Variants in OPHN1 observed in about 807,000 individuals in gnomAD.
The protein encoded by OPHN1 is oligophrenin 1.
OPHN1 carries 11 observed loss-of-function variants against 60.7 expected under a neutral mutation model. The observed-to-expected ratio is 0.18, with a 90% CI of 0.11 to 0.30. OPHN1 has a LOEUF of 0.30. Ranked by LOEUF, OPHN1 falls within the 10% of genes least tolerant of loss-of-function variation. The probability of loss-of-function intolerance (pLI) is 1.00; values close to 1 mark genes in which losing one functional copy is unlikely to be tolerated. For missense variants in OPHN1, 449 were observed against 611.0 expected, an observed-to-expected ratio of 0.73 and a Z score of 2.80; for synonymous variants, 226 against 222.6, an observed-to-expected ratio of 1.02 and a Z score of -0.14.
At position 68,431,650 on chromosome X, in the gene OPHN1, A is replaced by T. The variant is rs192397195; in HGVS notation, c.154+1217T>A. Among the ~76,000 whole-genome samples the T allele has an allele frequency of 5.8e-3, 618 of 106,378 alleles. 3 individuals carry two copies. Among genetic ancestry groups the T allele is most frequent in the African/African-American group, 0.02 (595 of 29,268 alleles). 92.4% of individuals were successfully genotyped at this position (106,378 alleles called of 115,157 possible). ...ACCATGTTAGCCAGGCTGGTCTCGA[A>T]CTCCTGATCTCAGGTGATTCACCCG... is the stretch of plus-strand genomic sequence containing the variant. On this transcript the variant is annotated intron_variant, in intron 2 of 24. Coordinates refer to ENST00000355520, the MANE Select transcript of OPHN1 (RefSeq NM_002547.3).
At chrX:68,159,029 T>C (rs1314128756) in intron 15 of OPHN1, among the ~76,000 whole-genome samples, 2 of 111,547 alleles carry the variant, frequency 1.8e-5, no homozygotes, top group Non-Finnish European at 3.8e-5. Context: ...GATGCCATTC[T>C]GAGAGAAGGA....
chrX:68,122,311 C>G (rs2077153723), intron 15 of OPHN1, among the ~76,000 whole-genome samples: 2 of 111,674 alleles, frequency 1.8e-5, no homozygotes, highest in African/African-American at 6.5e-5. Flanking sequence ...CTCTCTAATG[C>G]AGATATGGAT....
chrX:68,398,995 G>A (rs868292562), intron 2 of OPHN1, among the ~76,000 whole-genome samples: 1 of 95,218 alleles, frequency 1.1e-5, no homozygotes, highest in African/African-American at 3.6e-5. Context: ...GTGTGTGTGT[G>A]TATAGTAATA....
chrX:68,433,104 A>C lies in OPHN1; in HGVS notation c.-5+64T>G. The C allele has an allele frequency of 3.0e-6, 3 of 995,611 alleles. No individual in the cohort carries two copies. The South Asian group carries it at 7.1e-5, about 24-fold the overall frequency. 82.0% of individuals were successfully genotyped at this position (995,611 alleles called of 1,213,427 possible). A position where few individuals can be genotyped will look rare whatever the true frequency, so the allele number is the denominator to read the frequency against. On this transcript the variant is annotated intron_variant, in intron 1 of 24. Coordinates refer to ENST00000355520, the MANE Select transcript of OPHN1 (RefSeq NM_002547.3). ...TGGCACAGTAGAGGAAGTAGAGGGG[A>C]CGGACTGAGCGCGCGACCCGCTTAA...
intron 20 of OPHN1, chrX:68,071,866 G>T: frequency 3.0e-6 from 1 of 327,961 alleles, no homozygotes. Context: ...ATATTTTAAA[G>T]GATGTGCTGT....
chrX:68,218,630 T>A (rs2077631657), intron 6 of OPHN1, among the ~76,000 whole-genome samples: 2 of 108,936 alleles, frequency 1.8e-5, no homozygotes, highest in Non-Finnish European at 3.8e-5. Context: ...ATATTCAACA[T>A]TCTTAAAGAA....
chrX:68,322,520 C>T (rs2078240456), intron 2 of OPHN1, among the ~76,000 whole-genome samples: 2 of 111,753 alleles, frequency 1.8e-5, no homozygotes, highest in South Asian at 7.4e-4. Context: ...GGCACGGTGG[C>T]TCATGCTTGT....
chrX:68,379,188 T>A (rs1371344171), intron 2 of OPHN1, among the ~76,000 whole-genome samples: 1 of 111,050 alleles, frequency 9.0e-6, no homozygotes, highest in African/African-American at 3.3e-5. Context: ...TTATTCTCTT[T>A]GAAGCAATTG....
intron 5 of OPHN1, among the ~76,000 whole-genome samples, chrX:68,270,349 T>A (rs1220262546): frequency 1.8e-5 from 2 of 110,563 alleles, no homozygotes; most frequent in African/African-American, 3.3e-5. Context: ...CAAATGTCCA[T>A]CAATGATAGA....
At position 68,130,762 on chromosome X, in the gene OPHN1, G is replaced by GA. The variant is rs933589741; in HGVS notation, c.1277-11431dup. On this transcript the variant is annotated intron_variant, in intron 15 of 24. Coordinates refer to ENST00000355520, the MANE Select transcript of OPHN1 (RefSeq NM_002547.3). ...AGACTTAACTATTAAATTGTAAGTAGAAAAAAAAAGAAATCTCAGCAAGAT... is the reference window on the plus strand; with the variant it reads ...AGACTTAACTATTAAATTGTAAGTAGAAAAAAAAAAGAAATCTCAGCAAGAT... 1.1e-4 allele frequency among the ~76,000 whole-genome samples: 12 copies of GA among 109,406 alleles called. No individual in the cohort carries two copies. The East Asian group carries it at 1.4e-3, about 13-fold the overall frequency.
At chrX:68,067,145 T>G (rs2076915987) in intron 20 of OPHN1, among the ~76,000 whole-genome samples, 1 of 111,682 alleles carries the variant, frequency 9.0e-6, no homozygotes. Context: ...GTGCTAGGAG[T>G]AAGACAGTAC....
intron 5 of OPHN1, among the ~76,000 whole-genome samples, chrX:68,243,502 C>T (rs2077791358): frequency 9.0e-6 from 1 of 111,440 alleles, no homozygotes; most frequent in Non-Finnish European, 1.9e-5. Context: ...ATTCTCTTGC[C>T]TCAGCCTCCT....
At chrX:68,409,813 T>C (rs748306664) in intron 2 of OPHN1, among the ~76,000 whole-genome samples, 14 of 112,073 alleles carry the variant, frequency 1.2e-4, no homozygotes, top group Non-Finnish European at 2.3e-4. Context: ...TCAAATAACG[T>C]CATATTTTCA....
At position 68,053,767 on chromosome X, in the gene OPHN1, C is replaced by T; in HGVS notation, c.2202G>A (p.Lys734=). Residue 734 remains lysine, a synonymous_variant, in exon 22 of 25, where the codon AAG becomes AAA. Coordinates refer to ENST00000355520, the MANE Select transcript of OPHN1 (RefSeq NM_002547.3). ...TCACTGGGGGGCGGATGATGGTTGG[C>T]TTTTCTCCTGGAGGCCGCACTTTGC... ...SFSKVRPPGE[K]PTIIRPPVRP... 3.3e-6 allele frequency: 4 copies of T among 1,210,778 alleles called. No individual in the cohort carries two copies. The highest frequency in any genetic ancestry group is 4.5e-6 in the Non-Finnish European group (4 of 895,287).
At chrX:68,216,478 TAA>T (rs1365766090) in intron 6 of OPHN1, among the ~76,000 whole-genome samples, 1 of 111,165 alleles carries the variant, frequency 9.0e-6, no homozygotes, top group Non-Finnish European at 1.9e-5. Flanking sequence ...CTATGTTACC[TAA>T]AAGATATCAT....
intron 4 of OPHN1, among the ~76,000 whole-genome samples, chrX:68,278,786 T>C (rs1327984888): frequency 2.7e-5 from 3 of 111,790 alleles, no homozygotes; most frequent in Non-Finnish European, 5.6e-5. Flanking sequence ...CTCAGGAGGC[T>C]GAGGCAGGAG....
intron 2 of OPHN1, among the ~76,000 whole-genome samples, chrX:68,365,171 G>A (rs944064630): frequency 2.7e-5 from 3 of 111,264 alleles, no homozygotes; most frequent in Non-Finnish European, 3.8e-5. Context: ...TATACCATGC[G>A]GTTCCAGATA....
At chrX:68,256,456 C>A (rs181015462) in intron 5 of OPHN1, among the ~76,000 whole-genome samples, 1 of 111,914 alleles carries the variant, frequency 8.9e-6, no homozygotes, top group African/African-American at 3.2e-5. Context: ...TATACCCTTA[C>A]TATCTGCCTA....
At chrX:68,245,558 G>A (rs751602605) in intron 5 of OPHN1, among the ~76,000 whole-genome samples, 1 of 111,355 alleles carries the variant, frequency 9.0e-6, no homozygotes, top group South Asian at 3.8e-4. Flanking sequence ...AATGAGACAG[G>A]GTAGATTAAG....
Sources: allele counts gnomAD v4.1 joint callset (sites outside exome capture counted in the v4.1 genomes callset), GRCh38; gene constraint gnomAD v4.1.1; transcripts MANE v1.5; gene names NCBI Gene and HGNC (gene_info 2026-07-23, HGNC 2026-07-21).